The following PARD3B variants were observed in gnomAD, a reference collection of about 807,000 sequenced individuals.
The protein encoded by PARD3B is par-3 family cell polarity regulator beta.
PARD3B carries 103 observed loss-of-function variants against 130.2 expected under a neutral mutation model. The observed-to-expected ratio is 0.79, with a 90% CI of 0.67 to 0.93. PARD3B has a LOEUF of 0.93. Among genes scored for constraint, PARD3B ranks in the 40% least tolerant of loss-of-function variants. PARD3B has a pLI of 0.00. For synonymous variants in PARD3B, 583 were observed against 553.2 expected, an observed-to-expected ratio of 1.05 and a Z score of -0.76; for missense variants, 1,609 against 1,499.2, an observed-to-expected ratio of 1.07 and a Z score of -1.21.
At chr2:205,257,235 C>T (rs116022016) in intron 16 of PARD3B, among the ~76,000 whole-genome samples, 4 of 151,940 alleles carry the variant, frequency 2.6e-5, no homozygotes, top group African/African-American at 9.7e-5. Context: ...AACCGCATAC[C>T]CCTACGAAAC....
intron 2 of PARD3B, among the ~76,000 whole-genome samples, chr2:204,737,945 G>A: frequency 6.6e-6 from 1 of 152,084 alleles, no homozygotes; most frequent in South Asian, 2.1e-4. Context: ...TTTTATACCA[G>A]TACCATGCTG....
intron 1 of PARD3B, among the ~76,000 whole-genome samples, chr2:204,658,286 G>C (rs1191637480): frequency 6.6e-6 from 1 of 152,162 alleles, no homozygotes; most frequent in Admixed American, 6.5e-5. Flanking sequence ...TACATAGTAA[G>C]TTAGGATTGA....
intron 22 of PARD3B, among the ~76,000 whole-genome samples, chr2:205,582,668 G>GTTT (rs76102730): frequency 4.9e-5 from 7 of 142,062 alleles, no homozygotes; most frequent in African/African-American, 1.5e-4. Flanking sequence ...GAAGGTTATT[G>GTTT]TTTTTTTTTT....
At chr2:204,722,362 C>G (rs186480232) in intron 2 of PARD3B, among the ~76,000 whole-genome samples, 48 of 152,272 alleles carry the variant, frequency 3.2e-4, no homozygotes, top group Non-Finnish European at 6.0e-4. Context: ...ACTAGTTTAT[C>G]TCATCATATC....
Position 204,998,536 on chromosome 2 carries a change from G to GTA in PARD3B, c.394+33224_394+33225dup, listed in dbSNP as rs1229139359. The stretch of plus-strand genomic sequence containing the variant: ...TATATGTGTGTGTATATATATGTGT[G>GTA]TATATATATATAAAGAATTAGAGAA... On this transcript the variant is annotated intron_variant, in intron 3 of 22. Transcript: ENST00000406610. Among the ~76,000 whole-genome samples the GTA allele has an allele frequency of 1.6e-4, 15 of 94,856 alleles. No homozygotes were observed. The South Asian group carries it at 2.3e-3, about 15-fold the overall frequency. 62.2% of individuals were successfully genotyped at this position (94,856 alleles called of 152,430 possible). A position where few individuals can be genotyped will look rare whatever the true frequency, so the allele number is the denominator to read the frequency against.
chr2:204,822,510 T>C (rs1383735999), intron 2 of PARD3B, among the ~76,000 whole-genome samples: 1 of 152,228 alleles, frequency 6.6e-6, no homozygotes, highest in Non-Finnish European at 1.5e-5. Flanking sequence ...AAAAGGACTT[T>C]AAGGTTCAAA....
chr2:204,827,943 G>C (rs1182810489), intron 2 of PARD3B, among the ~76,000 whole-genome samples: 1 of 152,158 alleles, frequency 6.6e-6, no homozygotes, highest in East Asian at 1.9e-4. Context: ...CAGAAGCCCA[G>C]TTTTATGATC....
chr2:205,003,657 A>G (rs996754163), intron 3 of PARD3B, among the ~76,000 whole-genome samples: 6 of 152,088 alleles, frequency 3.9e-5, no homozygotes, highest in South Asian at 2.1e-4. Flanking sequence ...GAAACAGTTT[A>G]TTTTTATGTT....
At position 205,399,911 on chromosome 2, in the gene PARD3B, C is replaced by T. The variant is rs554986014; in HGVS notation, c.2631-1102C>T. On this transcript the variant is annotated intron_variant, in intron 18 of 22. Transcript: ENST00000406610. The stretch of plus-strand genomic sequence containing the variant: ...GAGAGTGATTGTGCATAAAGGAAAG[C>T]GTACAGGCAGAGATCGGGTTCTAAT... Among the ~76,000 whole-genome samples the T allele has an allele frequency of 3.3e-5, 5 of 152,226 alleles. No homozygotes were observed. The South Asian group carries it at 8.3e-4, about 25-fold the overall frequency.
At chr2:204,641,987 A>ATC (rs2035092884) in intron 1 of PARD3B, among the ~76,000 whole-genome samples, 1 of 152,238 alleles carries the variant, frequency 6.6e-6, no homozygotes, top group Non-Finnish European at 1.5e-5. Flanking sequence ...GGAAGAAGGA[A>ATC]TAATCAAGTA....
At chr2:205,162,485 T>C (rs1358998807) in intron 11 of PARD3B, among the ~76,000 whole-genome samples, 2 of 152,272 alleles carry the variant, frequency 1.3e-5, no homozygotes, top group Non-Finnish European at 2.9e-5. Flanking sequence ...CTAGCATGCA[T>C]TACATGTTTG....
At chr2:205,561,434 A>G (rs185841017) in intron 22 of PARD3B, among the ~76,000 whole-genome samples, 73 of 152,298 alleles carry the variant, frequency 4.8e-4, no homozygotes, top group African/African-American at 1.7e-3. Flanking sequence ...GGGTGTGGGT[A>G]GAGGTTTGAC....
chr2:205,401,107 AAAG>A lies in PARD3B; in HGVS notation c.2730_2732del (p.Glu911del). 1 of 1,595,684 alleles carries A rather than the reference AAAG, an allele frequency of 6.3e-7. No individual in the cohort carries two copies. On this transcript the variant is annotated inframe_deletion, in exon 19 of 23. Transcript: ENST00000406610. ...GAGAGAAGAAGAGCTGGAGAAAATG[AAAG>A]AAGAGCGTGAAAGGTGAGCAGAAGT...
At chr2:204,978,399 A>G (rs748075964) in intron 3 of PARD3B, among the ~76,000 whole-genome samples, 5 of 152,232 alleles carry the variant, frequency 3.3e-5, no homozygotes, top group East Asian at 1.9e-4. Flanking sequence ...GGTGTTCACA[A>G]TTCTGTGCAA....
chr2:204,761,869 G>A (rs879896353), intron 2 of PARD3B, among the ~76,000 whole-genome samples: 9 of 151,790 alleles, frequency 5.9e-5, no homozygotes, highest in South Asian at 2.1e-4. Context: ...AATGTAGTCC[G>A]TGGTATAGTT....
intron 13 of PARD3B, among the ~76,000 whole-genome samples, chr2:205,179,225 T>G (rs534981630): frequency 1.3e-5 from 2 of 152,330 alleles, no homozygotes; most frequent in East Asian, 3.9e-4. Flanking sequence ...TGTTTGTGTT[T>G]TAAGCTGTTA....
intron 10 of PARD3B, among the ~76,000 whole-genome samples, chr2:205,138,942 T>C (rs1466220980): frequency 6.6e-6 from 1 of 152,222 alleles, no homozygotes; most frequent in Non-Finnish European, 1.5e-5. Context: ...AATCCTCTAC[T>C]GATGCCACCA....
At position 205,216,341 on chromosome 2, in the gene PARD3B, CTA is replaced by C. The variant is rs769403857; in HGVS notation, c.2140+23023_2140+23024del. The stretch of plus-strand genomic sequence containing the variant: ...TGCCTAGCAATGCATTTCTCAGAAC[CTA>C]TCTCAGTCATCTAGTGACGCATGGC... On this transcript the variant is annotated intron_variant, in intron 15 of 22. Coordinates refer to ENST00000406610, the MANE Select transcript of PARD3B (RefSeq NM_001302769.2). 2.0e-4 allele frequency among the ~76,000 whole-genome samples: 31 copies of C among 152,190 alleles called. 1 individual carries two copies. In the Middle Eastern group the frequency reaches 0.01, roughly 50 times the overall value.
intron 1 of PARD3B, among the ~76,000 whole-genome samples, chr2:204,569,873 A>G (rs758567557): frequency 2.0e-5 from 3 of 152,182 alleles, no homozygotes; most frequent in Admixed American, 6.5e-5. Context: ...ACTTGTTGCT[A>G]TAGTCTCAAA....
Sources: gnomAD v4.1 joint callset for allele counts (sites outside exome capture counted in the v4.1 genomes callset) on GRCh38, gnomAD v4.1.1 for gene constraint, MANE v1.5 for transcripts, NCBI Gene and HGNC (gene_info 2026-07-23, HGNC 2026-07-21) for gene names.